The following NTNG1 variants were observed in gnomAD, a reference collection of about 807,000 sequenced individuals.
NTNG1 encodes netrin-G1.
NTNG1 carries 16 observed loss-of-function variants against 54.0 expected under a neutral mutation model. The ratio of observed to expected loss-of-function variants is 0.30; its 90% CI spans 0.20 to 0.45. NTNG1 has a LOEUF of 0.45. NTNG1 is among the 20% of genes least tolerant of loss of function. The pLI is 1.00. For missense variants in NTNG1, 530 were observed against 678.7 expected (o/e 0.78, Z 2.43); for synonymous variants, 255 against 263.1 (o/e 0.97, Z 0.30).
chr1:107,336,564 G>C (rs987938070), intron 3 of NTNG1, among the ~76,000 whole-genome samples: 1 of 151,832 alleles, frequency 6.6e-6, no homozygotes, highest in East Asian at 1.9e-4. Flanking sequence ...ATTAAATCTG[G>C]CAATAATTTC....
chr1:107,254,498 C>T (rs930562856), intron 2 of NTNG1, among the ~76,000 whole-genome samples: 1 of 152,194 alleles, frequency 6.6e-6, no homozygotes, highest in African/African-American at 2.4e-5. Flanking sequence ...CTCAAGAGCT[C>T]CCCGGGCTCC....
intron 7 of NTNG1, among the ~76,000 whole-genome samples, chr1:107,460,871 G>T (rs893295601): frequency 1.3e-5 from 2 of 152,142 alleles, no homozygotes; most frequent in Non-Finnish European, 1.5e-5. Context: ...CGTGTACTGG[G>T]CTGCTAATGG....
rs74643267 is a variant in NTNG1, at chr1:107,198,525, G to T, written c.246+49686G>T. Among the ~76,000 whole-genome samples the T allele has an allele frequency of 6.8e-3, 1,029 of 151,976 alleles. 12 individuals carry two copies. Among genetic ancestry groups the T allele is most frequent in the African/African-American group, 0.024 (985 of 41,488 alleles). On this transcript the variant is annotated intron_variant, in intron 2 of 7. Transcript: ENST00000370068. ...AGATTTTAATGCCCATCTTTAGTGG[G>T]GAGAAATAATATTTGTCCAAAAGTT...
At chr1:107,238,145 C>T (rs372365732) in intron 2 of NTNG1, among the ~76,000 whole-genome samples, 1 of 152,172 alleles carries the variant, frequency 6.6e-6, no homozygotes. Context: ...GGGAACCCAC[C>T]TCTTTCATCA....
At chr1:107,201,992 C>T (rs1322262624) in intron 2 of NTNG1, among the ~76,000 whole-genome samples, 1 of 151,682 alleles carries the variant, frequency 6.6e-6, no homozygotes, top group Non-Finnish European at 1.5e-5. Flanking sequence ...TATAATGTTC[C>T]TCTTTATCCC....
chr1:107,409,476 T>C (rs1238641699), intron 5 of NTNG1: 1 of 152,264 alleles, frequency 6.6e-6, no homozygotes, highest in Non-Finnish European at 1.5e-5. Flanking sequence ...ATTCCCCATA[T>C]CTGAGCATCA....
At chr1:107,243,618 T>C (rs968430570) in intron 2 of NTNG1, among the ~76,000 whole-genome samples, 11 of 151,932 alleles carry the variant, frequency 7.2e-5, no homozygotes, top group African/African-American at 2.7e-4. Flanking sequence ...GCGCACCAGC[T>C]GTTCACAGGC....
rs142833960 is a variant in NTNG1 at position 107,196,771 on chromosome 1, T to C, written c.246+47932T>C. Among the ~76,000 whole-genome samples, 1,385 of 152,144 alleles carry C rather than the reference T, an allele frequency of 9.1e-3. 11 individuals carry two copies. Among genetic ancestry groups the C allele is most frequent in the Non-Finnish European group, 0.014 (974 of 67,954 alleles). ...AGAGTTCTACCTGCCAATATCAATA[T>C]GCATTTTAAATTTTAGATAAAATAA... On this transcript the variant is annotated intron_variant, in intron 2 of 7. Coordinates refer to ENST00000370068, the MANE Select transcript of NTNG1 (RefSeq NM_001113226.3).
chr1:107,420,826 T>G lies in NTNG1; in HGVS notation c.1088-9924T>G, dbSNP rs541870197. Among the ~76,000 whole-genome samples the G allele has an allele frequency of 4.1e-4, 62 of 152,144 alleles. No homozygotes were observed. The South Asian group carries it at 0.012, about 29-fold the overall frequency. On this transcript the variant is annotated intron_variant, in intron 5 of 7. Coordinates refer to ENST00000370068, the MANE Select transcript of NTNG1 (RefSeq NM_001113226.3). ...TATTGTTATGGTAACAATCCTTGCTTCACTGGATTCTTGATTTAAATGGTA... is the reference window on the plus strand; with the variant it reads ...TATTGTTATGGTAACAATCCTTGCTGCACTGGATTCTTGATTTAAATGGTA...
At chr1:107,376,325 G>C (rs562147611) in intron 3 of NTNG1, among the ~76,000 whole-genome samples, 35 of 151,874 alleles carry the variant, frequency 2.3e-4, no homozygotes, top group Middle Eastern at 3.4e-3. Flanking sequence ...TGGGAATGGC[G>C]TGAACCCGGG....
intron 5 of NTNG1, chr1:107,421,033 A>C (rs369110002): frequency 8.1e-5 from 104 of 1,282,260 alleles, no homozygotes; most frequent in Non-Finnish European, 1.1e-4. Flanking sequence ...TACAGTTTGA[A>C]CGTTTCACTA....
chr1:107,238,208 G>A (rs1056261583), intron 2 of NTNG1, among the ~76,000 whole-genome samples: 1 of 152,206 alleles, frequency 6.6e-6, no homozygotes, highest in Non-Finnish European at 1.5e-5. Flanking sequence ...GGGGCTTTAA[G>A]ATTTGACTGC....
rs1387982285 is a variant in NTNG1, at chr1:107,480,932, C to G, written c.*92C>G. 2.2e-6 allele frequency: 2 copies of G among 901,686 alleles called. No individual in the cohort carries two copies. Among genetic ancestry groups the G allele is most frequent in the Admixed American group, 4.4e-5 (2 of 45,292 alleles). 55.9% of individuals were successfully genotyped at this position (901,686 alleles called of 1,614,324 possible). The stretch of plus-strand genomic sequence containing the variant: ...TACTAACATAGGAAACACACACATA[C>G]AGACACCCCCACTCAGACAGTGTAC... On this transcript the variant is annotated 3_prime_UTR_variant, in exon 8 of 8. Transcript: ENST00000370068.
intron 3 of NTNG1, among the ~76,000 whole-genome samples, chr1:107,391,127 A>C (rs1672330311): frequency 6.6e-6 from 1 of 152,230 alleles, no homozygotes; most frequent in Non-Finnish European, 1.5e-5. Flanking sequence ...ACAGCTTATA[A>C]GAGTACCTGA....
intron 2 of NTNG1, among the ~76,000 whole-genome samples, chr1:107,297,080 G>T (rs1665987657): frequency 7.5e-6 from 1 of 133,584 alleles, no homozygotes; most frequent in Non-Finnish European, 1.6e-5. Context: ...TATCTTTACA[G>T]ATGAGGACAC....
chr1:107,232,153 T>C (rs780342586), intron 2 of NTNG1, among the ~76,000 whole-genome samples: 1 of 152,222 alleles, frequency 6.6e-6, no homozygotes, highest in Non-Finnish European at 1.5e-5. Flanking sequence ...TATTTTCTAC[T>C]TACTAAAACA....
chr1:107,150,477 GC>G (rs1429356293), intron 2 of NTNG1, among the ~76,000 whole-genome samples: 4 of 152,154 alleles, frequency 2.6e-5, no homozygotes, highest in Non-Finnish European at 5.9e-5. Flanking sequence ...TGAGTTCCAG[GC>G]CAAGTCTGCA....
intron 2 of NTNG1, among the ~76,000 whole-genome samples, chr1:107,201,420 C>T (rs772314836): frequency 5.4e-4 from 82 of 151,848 alleles, no homozygotes; most frequent in South Asian, 1.2e-3. Context: ...ATAATTTTCC[C>T]TCATTGTGTT....
intron 3 of NTNG1, among the ~76,000 whole-genome samples, chr1:107,374,266 T>A (rs1300535308): frequency 6.6e-6 from 1 of 152,176 alleles, no homozygotes; most frequent in Non-Finnish European, 1.5e-5. Flanking sequence ...ATGACACTCC[T>A]TGGATTTGGT....
Sources: allele counts gnomAD v4.1 joint callset (sites outside exome capture counted in the v4.1 genomes callset), GRCh38; gene constraint gnomAD v4.1.1; transcripts MANE v1.5; gene names NCBI Gene and HGNC (gene_info 2026-07-23, HGNC 2026-07-21).